The following TMC8 variants were observed in gnomAD, a reference collection of about 807,000 sequenced individuals.
The protein encoded by TMC8 is transmembrane channel like 8.
Under a neutral mutation model 76.0 loss-of-function variants are expected in TMC8, and 71 were observed. The ratio of observed to expected loss-of-function variants is 0.93; its 90% CI spans 0.77 to 1.14. TMC8 has a LOEUF of 1.14. TMC8 is among the 50% of genes most tolerant of loss of function. The probability of loss-of-function intolerance (pLI) is 0.00; values close to 1 mark genes in which losing one functional copy is unlikely to be tolerated. For missense variants in TMC8, 924 were observed against 947.9 expected (o/e 0.97, Z 0.33); for synonymous variants, 433 against 433.8 (o/e 1.00, Z 0.02).
In TMC8 at chr17:78,138,125, C is replaced by G. The variant is rs2075283216; in HGVS notation, c.1470C>G (p.Phe490Leu). The G allele has an allele frequency of 6.2e-7, 1 of 1,613,862 alleles. No individual in the cohort carries two copies. Among genetic ancestry groups the G allele is most frequent in the Non-Finnish European group, 8.5e-7 (1 of 1,180,002 alleles). Residue 490 changes from phenylalanine (F) to leucine (L), a missense_variant, in exon 12 of 16, where the codon TTC (phenylalanine) becomes TTG (leucine). By Grantham distance (22) the Phe-to-Leu change is conservative. Coordinates refer to ENST00000318430, the MANE Select transcript of TMC8 (RefSeq NM_152468.5). Reference sequence around the variant, plus strand: ...AGACGGTCACCTGGATGGGCCTCTTCTACTGCCCCCTGCTGCCCCTGCTGA... The same window carrying G: ...AGACGGTCACCTGGATGGGCCTCTTGTACTGCCCCCTGCTGCCCCTGCTGA... ...AGQTVTWMGL[F>L]YCPLLPLLNS...
chr17:78,137,635 C>A, intron 10 of TMC8, 82 bp from the exon 11 acceptor site: 1 of 1,336,462 alleles, frequency 7.5e-7, no homozygotes, highest in Non-Finnish European at 1.1e-6. Context: ...ACCTGCACCA[C>A]AGAAACCCTC....
rs778802819 is a variant in TMC8 at position 78,134,424 on chromosome 17, C to G, written c.847C>G (p.Leu283Val). The G allele has an allele frequency of 4.3e-6, 7 of 1,613,110 alleles. No individual in the cohort carries two copies. The African/African-American group carries it at 6.7e-5, about 15-fold the overall frequency. Residue 283 changes from leucine (L) to valine (V), a missense_variant, in exon 8 of 16, where the codon CTG (leucine) becomes GTG (valine). Physicochemically the swap from Leu to Val is conservative, Grantham distance 32 (BLOSUM62 1). Coordinates refer to ENST00000318430, the MANE Select transcript of TMC8 (RefSeq NM_152468.5). Reference protein sequence around the residue: ...VELEEGRRFQLMQQQTRAQTA... With the variant: ...VELEEGRRFQVMQQQTRAQTA... ...GCTGGAGGAGGGCCGTCGCTTCCAG[C>G]TGATGCAGCAGCAGACCCGGGCCCA... is the stretch of plus-strand genomic sequence containing the variant.
chr17:78,133,612 G>A (rs941071368), intron 6 of TMC8, 70 bp downstream of exon 6: 5 of 1,599,398 alleles, frequency 3.1e-6, no homozygotes, highest in Non-Finnish European at 3.4e-6. Flanking sequence ...CCTTGGCAGG[G>A]TACCCTCCCA....
chr17:78,132,411 G>A lies in TMC8; in HGVS notation c.351G>A (p.Leu117=). The A allele has an allele frequency of 1.2e-6, 2 of 1,612,908 alleles. No homozygotes were observed. The highest frequency in any genetic ancestry group is 2.2e-5 in the South Asian group (2 of 90,908). ...ACTTCACCTTCCTCCGCTTCCTGCT[G>A]CTACTCAACCTGCTGAGCCTGCTGC... is the stretch of plus-strand genomic sequence containing the variant. ...RSYFTFLRFL[L]LLNLLSLLLT... The change falls in exon 4 of 16, where the codon CTG becomes CTA. Residue 117 remains leucine (L), a synonymous_variant. Transcript: ENST00000318430.
intron 9 of TMC8, chr17:78,136,563 T>C (rs2075236564): frequency 5.9e-6 from 1 of 170,102 alleles, no homozygotes; most frequent in South Asian, 1.2e-4. Flanking sequence ...GCAGTACATA[T>C]GTGTGGCACG....
chr17:78,132,129 G>A (rs1332734681), intron 3 of TMC8, 99 bp downstream of exon 3: 7 of 1,517,330 alleles, frequency 4.6e-6, no homozygotes, highest in Non-Finnish European at 6.2e-6. Flanking sequence ...GCCTTCACCC[G>A]GGTCCCCCGA....
intron 3 of TMC8, 123 bp downstream of exon 3, chr17:78,132,153 C>G (rs555916648): frequency 1.4e-6 from 2 of 1,453,108 alleles, no homozygotes; most frequent in Middle Eastern, 1.8e-4. Context: ...ATCGGCCCCT[C>G]CCCCCTCCCA....
intron 2 of TMC8, 40 bp downstream of exon 2, chr17:78,131,777 T>G (rs765073018): frequency 3.2e-6 from 5 of 1,548,686 alleles, no homozygotes; most frequent in Non-Finnish European, 4.3e-6. Flanking sequence ...GTGGGGGGGG[T>G]GCTGCGAGGC....
At chr17:78,138,321 TC>T (rs2075288663) in intron 12 of TMC8, 27 bp from the exon 13 acceptor site, 1 of 1,610,698 alleles carries the variant, frequency 6.2e-7, no homozygotes, top group African/African-American at 1.3e-5. Flanking sequence ...ACTCGCTGAC[TC>T]CTGGTTGCTA....
Position 78,140,879 on chromosome 17 carries a change from C to A in TMC8, c.1948C>A (p.Leu650Met). The change falls in exon 16 of 16, where the codon CTG becomes ATG. Residue 650 changes from leucine to methionine, a missense_variant. By Grantham distance (15) the Leu-to-Met change is conservative. Coordinates refer to ENST00000318430, the MANE Select transcript of TMC8 (RefSeq NM_152468.5). ...WHLVEDLSRL[L>M]PEPGPSDSPG... ...CCTGGTGGAGGACCTGTCGCGACTG[C>A]TGCCGGAGCCAGGCCCGAGCGACTC... The A allele has an allele frequency of 6.2e-7, 1 of 1,610,026 alleles. No homozygotes were observed. The highest frequency in any genetic ancestry group is 1.1e-5 in the South Asian group (1 of 90,446).
Position 78,138,390 on chromosome 17 carries a change from C to T in TMC8, c.1575C>T (p.Phe525=), listed in dbSNP as rs1469188234. Residue 525 remains phenylalanine (F), a synonymous_variant, in exon 13 of 16, where the codon TTC becomes TTT. Coordinates refer to ENST00000318430, the MANE Select transcript of TMC8 (RefSeq NM_152468.5). ...LKNSRASSRP[F]RASSSTFFFQ... ...ACTCCAGGGCATCTTCGCGGCCCTTCCGTGCCTCCAGCTCCACCTTCTTCT... is the reference window on the plus strand; with the variant it reads ...ACTCCAGGGCATCTTCGCGGCCCTTTCGTGCCTCCAGCTCCACCTTCTTCT... The T allele has an allele frequency of 6.2e-7, 1 of 1,612,208 alleles. No homozygotes were observed.
chr17:78,136,318 T>A (rs2075228152), intron 9 of TMC8, among the ~76,000 whole-genome samples: 2 of 151,452 alleles, frequency 1.3e-5, no homozygotes, highest in African/African-American at 4.9e-5. Context: ...ACAAAAAAAT[T>A]AACTGGGCAT....
intron 7 of TMC8, 125 bp from the exon 8 acceptor site, chr17:78,134,269 G>C (rs1870782679): frequency 8.2e-7 from 1 of 1,212,626 alleles, no homozygotes; most frequent in Non-Finnish European, 1.2e-6. Context: ...GCATGACAGT[G>C]TGAGAGTTTG....
At chr17:78,140,322 T>G (rs1313911495) in intron 15 of TMC8, among the ~76,000 whole-genome samples, 1 of 139,292 alleles carries the variant, frequency 7.2e-6, no homozygotes, top group Non-Finnish European at 1.5e-5. Context: ...ACACCCAGTT[T>G]CCACAAAAAA....
chr17:78,132,662 C>T (rs2075052738), intron 4 of TMC8, 126 bp from the exon 5 acceptor site: 7 of 1,486,322 alleles, frequency 4.7e-6, no homozygotes, highest in Admixed American at 1.8e-5. Flanking sequence ...GTGTGGGGCA[C>T]GCCTTTGGCA....
chr17:78,137,823 CG>C lies in TMC8; in HGVS notation c.1349+13del. On this transcript the variant is annotated intron_variant, in intron 11 of 15. Coordinates refer to ENST00000318430, the MANE Select transcript of TMC8 (RefSeq NM_152468.5). Reference sequence around the variant, plus strand: ...GTCACCCTGCCTCGGAGGTGAGCCCCGGGGTGACACCTCCAGAAGGGCGGGG... The same window carrying C: ...GTCACCCTGCCTCGGAGGTGAGCCCCGGGTGACACCTCCAGAAGGGCGGGG... 4 of 1,612,366 alleles carry C rather than the reference CG, an allele frequency of 2.5e-6. No individual in the cohort carries two copies. The highest frequency in any genetic ancestry group is 2.5e-6 in the Non-Finnish European group (3 of 1,179,782).
chr17:78,135,245 T>C (rs764799012), intron 9 of TMC8, among the ~76,000 whole-genome samples: 6 of 152,148 alleles, frequency 3.9e-5, no homozygotes, highest in Non-Finnish European at 8.8e-5. Flanking sequence ...GCTCCGGCCA[T>C]TCAGTGGAGC....
In TMC8 at chr17:78,137,700, C is replaced by T. The variant is rs1331525449; in HGVS notation, c.1252-17C>T. On this transcript the variant is annotated splice_polypyrimidine_tract_variant and intron_variant, in intron 10 of 15. Coordinates refer to ENST00000318430, the MANE Select transcript of TMC8 (RefSeq NM_152468.5). Reference sequence around the variant, plus strand: ...GTGGCCGTGAGTGGTGACGGGTCCCCTTCCCCTGCACCCCAGTGCTGGGAG... The same window carrying T: ...GTGGCCGTGAGTGGTGACGGGTCCCTTTCCCCTGCACCCCAGTGCTGGGAG... The T allele has an allele frequency of 1.9e-6, 3 of 1,607,170 alleles. No individual in the cohort carries two copies. The highest frequency in any genetic ancestry group is 2.7e-5 in the African/African-American group (2 of 74,950).
rs770857124 is a variant in TMC8 at position 78,134,849 on chromosome 17, CT to C, written c.988-20del. ...GGGGCCCCCCAGCACGCGGGCTCCC[CT>C]GACCTGCCTTTTCCCGCAGGAGTCC... On this transcript the variant is annotated intron_variant, in intron 8 of 15. Transcript: ENST00000318430. The C allele has an allele frequency of 2.5e-6, 4 of 1,613,370 alleles. No individual in the cohort carries two copies. Among genetic ancestry groups the C allele is most frequent in the African/African-American group, 1.3e-5 (1 of 75,042 alleles).
Sources: gnomAD v4.1 joint callset for allele counts (sites outside exome capture counted in the v4.1 genomes callset) on GRCh38, gnomAD v4.1.1 for gene constraint, MANE v1.5 for transcripts, NCBI Gene and HGNC (gene_info 2026-07-23, HGNC 2026-07-21) for gene names.